The following TAF8 variants were observed in gnomAD, a reference collection of about 807,000 sequenced individuals.
TAF8 encodes transcription initiation factor TFIID subunit 8.
Under a neutral mutation model 36.5 loss-of-function variants are expected in TAF8, and 47 were observed. The ratio of observed to expected loss-of-function variants is 1.29; its 90% CI spans 1.02 to 1.64. The LOEUF (loss-of-function observed/expected upper bound fraction) is 1.64, where lower values mean the gene tolerates loss of function less well. Ranked by LOEUF, TAF8 falls within the 40% of genes most tolerant of loss-of-function variation. The pLI is 0.00. For missense variants in TAF8, 420 were observed against 407.6 expected (o/e 1.03, Z -0.26); for synonymous variants, 175 against 159.5 (o/e 1.10, Z -0.73).
At chr6:42,072,129 CAG>C (rs1171421611) in intron 7 of TAF8, among the ~76,000 whole-genome samples, 2 of 152,174 alleles carry the variant, frequency 1.3e-5, no homozygotes, top group Non-Finnish European at 2.9e-5. Context: ...CCTCAAGGGA[CAG>C]GGGGAGCGTG....
At chr6:42,050,679 C>G (rs1201040721) in intron 1 of TAF8, 93 bp downstream of exon 1, 5 of 1,399,856 alleles carry the variant, frequency 3.6e-6, no homozygotes, top group Non-Finnish European at 4.8e-6. Context: ...CCCAGAAATT[C>G]AGCCCCATCA....
chr6:42,056,294 T>C (rs1764986200), intron 4 of TAF8: 1 of 322,496 alleles, frequency 3.1e-6, no homozygotes, highest in East Asian at 7.6e-5. Context: ...AAAGTTTTTG[T>C]TCTTCTTAGA....
chr6:42,080,320 G>C lies in TAF8; in HGVS notation c.*2775G>C. On this transcript the variant is annotated 3_prime_UTR_variant, in exon 9 of 9. Coordinates refer to ENST00000372977, the MANE Select transcript of TAF8 (RefSeq NM_138572.3). ...AGTTAGAGGTGGGATTTGGAAAAGG[G>C]CTGCTATTTCTGCTGTTGAGATTTC... The C allele has an allele frequency of 1.0e-6, 1 of 988,056 alleles. No homozygotes were observed. The highest frequency in any genetic ancestry group is 1.2e-6 in the Non-Finnish European group (1 of 831,782). 61.2% of individuals were successfully genotyped at this position (988,056 alleles called of 1,614,324 possible).
intron 7 of TAF8, among the ~76,000 whole-genome samples, chr6:42,070,974 C>G (rs1765545988): frequency 6.6e-6 from 1 of 152,114 alleles, no homozygotes; most frequent in Non-Finnish European, 1.5e-5. Context: ...TTAGGGTATA[C>G]TTTCTTTTCT....
At chr6:42,050,651 C>G in intron 1 of TAF8, 65 bp downstream of exon 1, 1 of 1,491,904 alleles carries the variant, frequency 6.7e-7, no homozygotes, top group Non-Finnish European at 9.0e-7. Flanking sequence ...TTCCCCTCGA[C>G]TGAGCAACAA....
chr6:42,050,903 A>G, intron 1 of TAF8: 2 of 1,180,332 alleles, frequency 1.7e-6, no homozygotes, highest in Non-Finnish European at 2.1e-6. Context: ...CAAAATATTT[A>G]GCTTTCTTAC....
At chr6:42,064,147 G>A (rs749047460) in intron 5 of TAF8, among the ~76,000 whole-genome samples, 2 of 151,786 alleles carry the variant, frequency 1.3e-5, no homozygotes, top group African/African-American at 2.4e-5. Flanking sequence ...CTAATTTATT[G>A]AGTGCCAAAA....
downstream of TAF8, among the ~76,000 whole-genome samples, chr6:42,083,919 C>T (rs527664206): frequency 5.9e-5 from 9 of 152,052 alleles, no homozygotes; most frequent in Non-Finnish European, 1.0e-4. Flanking sequence ...CGGTGGCTCA[C>T]GCCTGTAATC....
chr6:42,084,947 T>C (rs1431406717), downstream of TAF8, among the ~76,000 whole-genome samples: 1 of 152,098 alleles, frequency 6.6e-6, no homozygotes, highest in East Asian at 1.9e-4. Flanking sequence ...CTTGGATGAG[T>C]TGGGGCGTAT....
At chr6:42,058,336 C>T (rs531924920) in intron 5 of TAF8, among the ~76,000 whole-genome samples, 1 of 152,086 alleles carries the variant, frequency 6.6e-6, no homozygotes, top group Non-Finnish European at 1.5e-5. Context: ...GCTGAGATTG[C>T]GCCACTGCAC....
rs1307285995 is a variant in TAF8, at chr6:42,079,756, G to A, written c.*2211G>A. The A allele has an allele frequency of 1.7e-6, 1 of 594,986 alleles. No individual in the cohort carries two copies. Among genetic ancestry groups the A allele is most frequent in the Non-Finnish European group, 2.1e-6 (1 of 479,414 alleles). 36.9% of individuals were successfully genotyped at this position (594,986 alleles called of 1,614,324 possible). On this transcript the variant is annotated 3_prime_UTR_variant, in exon 9 of 9. Transcript: ENST00000372977. ...TTTAGTAGACACGGGATTTTGCTAT[G>A]TTGCCCAGGCTGGTCTTGAACTCCT...
chr6:42,053,588 A>C (rs1189089505), intron 2 of TAF8, among the ~76,000 whole-genome samples: 4 of 151,774 alleles, frequency 2.6e-5, no homozygotes, highest in African/African-American at 7.3e-5. Context: ...AGAAAAAAAA[A>C]GAAGAAGAAA....
intron 2 of TAF8, among the ~76,000 whole-genome samples, chr6:42,054,750 G>T (rs1764914642): frequency 1.3e-5 from 2 of 151,628 alleles, no homozygotes; most frequent in Non-Finnish European, 2.9e-5. Flanking sequence ...GATTACAGGT[G>T]TGTGCCACCT....
chr6:42,077,299 C>A, intron 8 of TAF8, 60 bp downstream of exon 8: 1 of 1,568,662 alleles, frequency 6.4e-7, no homozygotes, highest in Non-Finnish European at 8.7e-7. Context: ...GTCTTCTCTG[C>A]TTCTTGGAAG....
At position 42,057,372 on chromosome 6, in the gene TAF8, T is replaced by C; in HGVS notation, c.365-17T>C. On this transcript the variant is annotated splice_polypyrimidine_tract_variant and intron_variant, in intron 4 of 8. Transcript: ENST00000372977. ...GGGTCTTGGGTGGAGGGGTAATCAG[T>C]TGTGACTCTGTTGCAGCTCCGGTGA... 3.1e-6 allele frequency: 5 copies of C among 1,613,856 alleles called. No homozygotes were observed. The highest frequency in any genetic ancestry group is 4.2e-6 in the Non-Finnish European group (5 of 1,179,986).
chr6:42,051,436 G>C lies in TAF8; in HGVS notation c.125G>C (p.Ser42Thr). ...AGGAGAACCCTGCAGGTGGTTGTGA[G>C]CTCCTTGCTGACAGAGGCAGGGTTT... ...ARRRTLQVVV[S>T]SLLTEAGFES... Residue 42 changes from serine (S) to threonine (T), a missense_variant, in exon 2 of 9, where the codon AGC becomes ACC. Ser to Thr is a moderately conservative substitution (Grantham distance 58, BLOSUM62 1). Coordinates refer to ENST00000372977, the MANE Select transcript of TAF8 (RefSeq NM_138572.3). The C allele has an allele frequency of 6.2e-7, 1 of 1,614,142 alleles. No individual in the cohort carries two copies. Among genetic ancestry groups the C allele is most frequent in the Non-Finnish European group, 8.5e-7 (1 of 1,180,012 alleles).
At chr6:42,054,630 A>T (rs1376185776) in intron 2 of TAF8, among the ~76,000 whole-genome samples, 1 of 151,766 alleles carries the variant, frequency 6.6e-6, no homozygotes, top group Non-Finnish European at 1.5e-5. Context: ...TTTTTCTGAG[A>T]TGGAGTCTCG....
At chr6:42,076,502 A>G (rs1186801167) in intron 7 of TAF8, among the ~76,000 whole-genome samples, 2 of 152,184 alleles carry the variant, frequency 1.3e-5, no homozygotes, top group African/African-American at 2.4e-5. Context: ...GGCATTACCA[A>G]TGATGTGCAT....
At chr6:42,077,501 C>T in intron 8 of TAF8, 32 bp from the exon 9 acceptor site, 1 of 1,611,136 alleles carries the variant, frequency 6.2e-7, no homozygotes, top group East Asian at 2.2e-5. Context: ...AGGGCCCACA[C>T]CAGGAGGCTC....
Sources: gnomAD v4.1 joint callset for allele counts (sites outside exome capture counted in the v4.1 genomes callset) on GRCh38, gnomAD v4.1.1 for gene constraint, MANE v1.5 for transcripts, NCBI Gene and HGNC (gene_info 2026-07-23, HGNC 2026-07-21) for gene names.